BACH2: variants seen among roughly 807,000 people sequenced by gnomAD.
BACH2 encodes the protein BACH transcriptional regulator 2.
Under a neutral mutation model 61.8 loss-of-function variants are expected in BACH2, and 5 were observed. The observed-to-expected ratio is 0.08, with a 90% CI of 0.04 to 0.17. The LOEUF is 0.17. Among genes scored for constraint, BACH2 ranks in the 10% least tolerant of loss-of-function variants. The pLI is 1.00. For missense variants in BACH2, 824 were observed against 1,091.1 expected (o/e 0.76, Z 3.45); for synonymous variants, 446 against 440.1 (o/e 1.01, Z -0.17).
At chr6:89,964,998 C>A (rs1362550879) in intron 6 of BACH2, among the ~76,000 whole-genome samples, 3 of 152,142 alleles carry the variant, frequency 2.0e-5, no homozygotes, top group Non-Finnish European at 4.4e-5. Context: ...GATTCTCGTG[C>A]CTCAACCTCC....
rs536480915 is a variant in BACH2 at position 90,215,027 on chromosome 6, T to A, written c.-274-8346A>T. Among the ~76,000 whole-genome samples, 4 of 152,248 alleles carry A rather than the reference T, an allele frequency of 2.6e-5. No individual in the cohort carries two copies. In the South Asian group the frequency reaches 8.3e-4, roughly 32 times the overall value. ...GTGTTGGCCTCCCAAATTGCTGGGATTACAGGCATGAGCCACTGTATCTGG... is the reference window on the plus strand; with the variant it reads ...GTGTTGGCCTCCCAAATTGCTGGGAATACAGGCATGAGCCACTGTATCTGG... On this transcript the variant is annotated intron_variant, in intron 3 of 8. Coordinates refer to ENST00000257749, the MANE Select transcript of BACH2 (RefSeq NM_021813.4).
At chr6:89,999,481 A>C (rs2127777685) in intron 6 of BACH2, among the ~76,000 whole-genome samples, 1 of 150,240 alleles carries the variant, frequency 6.7e-6, no homozygotes, top group African/African-American at 2.5e-5. Context: ...TGTAGGGTGT[A>C]ATCTGGATGG....
intron 5 of BACH2, among the ~76,000 whole-genome samples, chr6:90,034,841 T>A (rs1447479855): frequency 6.6e-6 from 1 of 152,162 alleles, no homozygotes; most frequent in Non-Finnish European, 1.5e-5. Context: ...ATCTCCAATC[T>A]GAGAACATTA....
intron 4 of BACH2, among the ~76,000 whole-genome samples, chr6:90,156,828 T>C (rs1306219074): frequency 6.6e-6 from 1 of 152,060 alleles, no homozygotes; most frequent in African/African-American, 2.4e-5. Flanking sequence ...GGGTCTAAAA[T>C]ACATGCACCA....
At chr6:90,235,248 G>A (rs912911590) in intron 3 of BACH2, among the ~76,000 whole-genome samples, 1 of 152,150 alleles carries the variant, frequency 6.6e-6, no homozygotes, top group Non-Finnish European at 1.5e-5. Flanking sequence ...AAAAGCAAAG[G>A]TATTGAGTCC....
chr6:90,110,573 A>G (rs1582374454), intron 4 of BACH2, among the ~76,000 whole-genome samples: 1 of 152,244 alleles, frequency 6.6e-6, no homozygotes, highest in Admixed American at 6.5e-5. Context: ...CAAGCTCTAC[A>G]GTAGCAGCTA....
chr6:90,202,172 T>C (rs917980663), intron 4 of BACH2, among the ~76,000 whole-genome samples: 2 of 152,212 alleles, frequency 1.3e-5, no homozygotes, highest in African/African-American at 4.8e-5. Context: ...TTGACAAATA[T>C]GTGTTGGAGC....
At chr6:90,246,362 T>C (rs973381722) in intron 3 of BACH2, among the ~76,000 whole-genome samples, 1 of 152,218 alleles carries the variant, frequency 6.6e-6, no homozygotes, top group Non-Finnish European at 1.5e-5. Flanking sequence ...TTATTCTTAC[T>C]GTTGTCTACT....
At chr6:90,040,216 C>T (rs904999257) in intron 5 of BACH2, among the ~76,000 whole-genome samples, 11 of 151,966 alleles carry the variant, frequency 7.2e-5, no homozygotes, top group Middle Eastern at 3.2e-3. Context: ...AAATTTTTTT[C>T]CCAAGTAAGT....
intron 1 of BACH2, among the ~76,000 whole-genome samples, chr6:90,283,626 C>T (rs192039593): frequency 0.013 from 2,028 of 152,216 alleles, 25 homozygotes; most frequent in African/African-American, 0.032. Context: ...CCACCCGCCT[C>T]GACCTCCCAA....
intron 5 of BACH2, among the ~76,000 whole-genome samples, chr6:90,049,198 C>T (rs1779923541): frequency 6.6e-6 from 1 of 152,154 alleles, no homozygotes; most frequent in Non-Finnish European, 1.5e-5. Context: ...TAGACAGTTA[C>T]TATATTGAAC....
intron 3 of BACH2, among the ~76,000 whole-genome samples, chr6:90,211,865 C>T (rs1351616027): frequency 6.6e-6 from 1 of 152,190 alleles, no homozygotes; most frequent in Non-Finnish European, 1.5e-5. Flanking sequence ...AGCTTTTAGA[C>T]ATAACGTACC....
rs569319892 is a variant in BACH2 at position 89,930,318 on chromosome 6, T to A, written c.*2090A>T. The A allele has an allele frequency of 5.1e-4, 77 of 150,902 alleles. No homozygotes were observed. Among genetic ancestry groups the A allele is most frequent in the Non-Finnish European group, 8.7e-4 (59 of 67,750 alleles). The allele number at this position is 150,902 out of a possible 1,614,324, so 9.3% of individuals were successfully genotyped here. A position where few individuals can be genotyped will look rare whatever the true frequency, so the allele number is the denominator to read the frequency against. ...CATATTTAAACATTTAGTGCTAATATTTGTACAGAAAAAAGTTAATAATAC... is the reference window on the plus strand; with the variant it reads ...CATATTTAAACATTTAGTGCTAATAATTGTACAGAAAAAAGTTAATAATAC... On this transcript the variant is annotated 3_prime_UTR_variant, in exon 9 of 9. Coordinates refer to ENST00000257749, the MANE Select transcript of BACH2 (RefSeq NM_021813.4).
chr6:90,189,587 C>A (rs1768489211), intron 4 of BACH2, among the ~76,000 whole-genome samples: 1 of 137,700 alleles, frequency 7.3e-6, no homozygotes, highest in African/African-American at 2.8e-5. Flanking sequence ...CGCAGTCCGG[C>A]CTGGGCGACA....
intron 5 of BACH2, among the ~76,000 whole-genome samples, chr6:90,046,554 A>G (rs9362714): frequency 0.31 from 47,040 of 152,068 alleles, 7,852 homozygotes; most frequent in East Asian, 0.68. Flanking sequence ...CTCCTCCCCA[A>G]AAGAAGACAA....
chr6:90,150,737 T>C (rs1467834419), intron 4 of BACH2, among the ~76,000 whole-genome samples: 2 of 151,972 alleles, frequency 1.3e-5, no homozygotes, highest in African/African-American at 4.8e-5. Flanking sequence ...GGAGGACCCC[T>C]TGTGTTGCTG....
At chr6:90,174,784 A>G (rs536909393) in intron 4 of BACH2, among the ~76,000 whole-genome samples, 2 of 152,204 alleles carry the variant, frequency 1.3e-5, no homozygotes, top group East Asian at 3.9e-4. Flanking sequence ...AACTCAGAAC[A>G]TTGTGTTTTG....
intron 6 of BACH2, among the ~76,000 whole-genome samples, chr6:89,995,014 T>G (rs1318335113): frequency 6.6e-6 from 1 of 152,168 alleles, no homozygotes; most frequent in African/African-American, 2.4e-5. Context: ...TCATCACCTT[T>G]CATCAACTAC....
intron 6 of BACH2, among the ~76,000 whole-genome samples, chr6:89,970,912 C>T (rs987282624): frequency 4.6e-5 from 7 of 152,106 alleles, no homozygotes; most frequent in South Asian, 2.1e-4. Context: ...GAAGCAAATG[C>T]CTCAAAAAAT....
Sources: allele counts gnomAD v4.1 joint callset (sites outside exome capture counted in the v4.1 genomes callset), GRCh38; gene constraint gnomAD v4.1.1; transcripts MANE v1.5; gene names NCBI Gene and HGNC (gene_info 2026-07-23, HGNC 2026-07-21).